Variants in LSM6 observed in about 807,000 individuals in gnomAD.
The protein encoded by LSM6 is U6 snRNA-associated Sm-like protein LSm6.
LSM6 carries 2 observed loss-of-function variants against 13.5 expected under a neutral mutation model. The ratio of observed to expected loss-of-function variants is 0.15; its 90% confidence interval spans 0.06 to 0.47. LSM6 has a LOEUF of 0.47. Ranked by LOEUF, LSM6 falls within the 20% of genes least tolerant of loss-of-function variation. The pLI is 0.97. For synonymous variants in LSM6, 43 were observed against 34.9 expected, an observed-to-expected ratio of 1.23 and a Z score of -0.82; for missense variants, 58 against 96.4, an observed-to-expected ratio of 0.60 and a Z score of 1.67.
At chr4:146,187,522 A>G in intron 3 of LSM6, 135 bp downstream of exon 3, 1 of 578,214 alleles carries the variant, frequency 1.7e-6, no homozygotes, top group Admixed American at 3.0e-5. Context: ...TATATGTCAG[A>G]TCTTCAGTTT....
At position 146,182,917 on chromosome 4, in the gene LSM6, TTA is replaced by T. The variant is rs752317989; in HGVS notation, c.-4_-3del. 1.3e-6 allele frequency: 2 copies of T among 1,590,196 alleles called. No individual in the cohort carries two copies. The highest frequency in any genetic ancestry group is 1.7e-6 in the Non-Finnish European group (2 of 1,158,350). On this transcript the variant is annotated 5_prime_UTR_variant, in exon 2 of 4. Transcript: ENST00000296581. ...CTTTTCATATTTTGATTTAGGATTG[TTA>T]AAATGAGTCTTCGGAAGCAAACCCC...
At position 146,185,314 on chromosome 4, in the gene LSM6, T is replaced by C. The variant is rs1730321484; in HGVS notation, c.95-1960T>C. Among the ~76,000 whole-genome samples, 4 of 152,170 alleles carry C rather than the reference T, an allele frequency of 2.6e-5. No homozygotes were observed. In the South Asian group the frequency reaches 8.3e-4, roughly 32 times the overall value. ...AACAAGTAATATCTCATTCTACATATATTTTCTTTGTTTACTAGTGAGATT... is the reference window on the plus strand; with the variant it reads ...AACAAGTAATATCTCATTCTACATACATTTTCTTTGTTTACTAGTGAGATT... On this transcript the variant is annotated intron_variant, in intron 2 of 3. Coordinates refer to ENST00000296581, the MANE Select transcript of LSM6 (RefSeq NM_007080.3).
chr4:146,187,361 G>A lies in LSM6; in HGVS notation c.182G>A (p.Gly61Glu). 6.2e-7 allele frequency: 1 copy of A among 1,610,916 alleles called. No homozygotes were observed. Reference protein sequence around the residue: ...YVNGQLKNKYGDAFIRGNNVL... With the variant: ...YVNGQLKNKYEDAFIRGNNVL... ...AATGGACAACTGAAGAATAAGTATG[G>A]GGATGCATTTATCCGAGGAAACAAT... The change falls in exon 3 of 4, where the codon GGG becomes GAG. Residue 61 changes from glycine to glutamate, a missense_variant. Physicochemically the swap from Gly to Glu is moderately conservative, Grantham distance 98. Around this residue, in one of 3 missense-constraint regions of LSM6, gnomAD observed 23 missense variants for 27.5 expected, o/e 0.84. Coordinates refer to ENST00000296581, the MANE Select transcript of LSM6 (RefSeq NM_007080.3).
intron 2 of LSM6, among the ~76,000 whole-genome samples, chr4:146,186,213 T>C (rs1006614179): frequency 6.6e-5 from 10 of 152,248 alleles, no homozygotes; most frequent in African/African-American, 2.4e-4. Flanking sequence ...TTATTCACAG[T>C]CCATTCTCGT....
intron 2 of LSM6, chr4:146,183,599 T>C (rs1730278509): frequency 6.5e-6 from 1 of 152,792 alleles, no homozygotes; most frequent in South Asian, 2.1e-4. Flanking sequence ...ATTTCTTATC[T>C]TCCAAGCTAA....
intron 3 of LSM6, among the ~76,000 whole-genome samples, chr4:146,189,123 G>T (rs1237533003): frequency 6.6e-6 from 1 of 151,884 alleles, no homozygotes; most frequent in Non-Finnish European, 1.5e-5. Flanking sequence ...CTAAGTCGCT[G>T]GGACTACAAG....
chr4:146,183,156 A>G (rs540107060), intron 2 of LSM6, 141 bp downstream of exon 2: 47 of 560,364 alleles, frequency 8.4e-5, no homozygotes, highest in African/African-American at 1.9e-4. Context: ...ATCTTTTTCT[A>G]TCTCTGAGAT....
intron 3 of LSM6, 143 bp from the exon 4 acceptor site, chr4:146,189,479 T>A: frequency 1.6e-6 from 1 of 640,902 alleles, no homozygotes; most frequent in South Asian, 1.9e-5. Context: ...TTACAGTACT[T>A]CTAGAGTTAA....
intron 1 of LSM6, among the ~76,000 whole-genome samples, chr4:146,179,737 G>A (rs1460563438): frequency 5.3e-5 from 8 of 152,208 alleles, no homozygotes; most frequent in Non-Finnish European, 1.0e-4. Context: ...ACTATGTGAT[G>A]CCAAAAGTAG....
chr4:146,180,454 T>C (rs575574388), intron 1 of LSM6, among the ~76,000 whole-genome samples: 179 of 152,298 alleles, frequency 1.2e-3, no homozygotes, highest in African/African-American at 4.2e-3. Context: ...GAAGAACATA[T>C]CTGTGTTTAT....
At chr4:146,187,735 C>G (rs372778483) in intron 3 of LSM6, among the ~76,000 whole-genome samples, 1 of 152,174 alleles carries the variant, frequency 6.6e-6, no homozygotes, top group South Asian at 2.1e-4. Context: ...CACCGTTTCC[C>G]TGCTGTCTTT....
chr4:146,186,346 G>A (rs1390947790), intron 2 of LSM6, among the ~76,000 whole-genome samples: 1 of 152,052 alleles, frequency 6.6e-6, no homozygotes, highest in East Asian at 1.9e-4. Context: ...AGAGAGTGAG[G>A]AGCATATTAA....
chr4:146,179,074 T>C (rs1730175519), intron 1 of LSM6, among the ~76,000 whole-genome samples: 1 of 152,236 alleles, frequency 6.6e-6, no homozygotes, highest in Non-Finnish European at 1.5e-5. Flanking sequence ...ATACTAGACC[T>C]CTCAGTAGCT....
chr4:146,188,652 T>G (rs1730399629), intron 3 of LSM6, among the ~76,000 whole-genome samples: 1 of 152,144 alleles, frequency 6.6e-6, no homozygotes, highest in Non-Finnish European at 1.5e-5. Context: ...ACCTCTAGTT[T>G]GGCCAAAGTG....
chr4:146,178,094 A>G (rs571978564), intron 1 of LSM6, among the ~76,000 whole-genome samples: 2 of 152,340 alleles, frequency 1.3e-5, no homozygotes, highest in South Asian at 4.1e-4. Context: ...TTGTTGAAGT[A>G]CATGCATGAT....
At chr4:146,181,316 A>G (rs1477419952) in intron 1 of LSM6, 1 of 152,240 alleles carries the variant, frequency 6.6e-6, no homozygotes, top group East Asian at 1.9e-4. Context: ...TTTTACTTAA[A>G]TTATGATTGC....
At chr4:146,178,941 C>T (rs975776888) in intron 1 of LSM6, among the ~76,000 whole-genome samples, 4 of 152,206 alleles carry the variant, frequency 2.6e-5, no homozygotes, top group African/African-American at 9.6e-5. Flanking sequence ...CAGGGTTTCT[C>T]TGTAAATTGC....
rs1379989924 is a variant in LSM6, at chr4:146,175,739, T to G, written c.-83T>G. The G allele has an allele frequency of 6.6e-6, 1 of 152,296 alleles. No homozygotes were observed. Among genetic ancestry groups the G allele is most frequent in the Non-Finnish European group, 1.5e-5 (1 of 68,112 alleles). The allele number at this position is 152,296 out of a possible 1,614,324, so 9.4% of individuals were successfully genotyped here. ...GTGCCCCTGCCTCGGCGCTTTCGGT[T>G]TTGGCTGGGATCATCCGCGGCGGCC... On this transcript the variant is annotated 5_prime_UTR_variant, in exon 1 of 4. Transcript: ENST00000296581.
At chr4:146,175,858 C>T (rs1271091230) in intron 1 of LSM6, 47 bp downstream of exon 1, 1 of 152,540 alleles carries the variant, frequency 6.6e-6, no homozygotes, top group South Asian at 2.1e-4. Flanking sequence ...GGGCGCAGCC[C>T]CAGGTTCGGT....
Sources: allele counts gnomAD v4.1 joint callset (sites outside exome capture counted in the v4.1 genomes callset), GRCh38; gene constraint gnomAD v4.1.1; regional missense constraint gnomAD v4.1.1; transcripts MANE v1.5; gene names NCBI Gene and HGNC (gene_info 2026-07-23, HGNC 2026-07-21).